CACHD1: variants seen among roughly 807,000 people sequenced by gnomAD.
CACHD1 encodes the protein VWFA and cache domain-containing protein 1.
A neutral mutation model predicts 138.7 loss-of-function variants in CACHD1; 71 were observed. The observed-to-expected ratio is 0.51, with a 90% CI of 0.42 to 0.62. CACHD1 has a LOEUF of 0.62. CACHD1 is among the 20% of genes least tolerant of loss of function. The probability of loss-of-function intolerance (pLI) is 0.00; values close to 1 mark genes in which losing one functional copy is unlikely to be tolerated. For missense variants in CACHD1, 1,389 were observed against 1,625.3 expected (o/e 0.85, Z 2.50); for synonymous variants, 578 against 591.5 (o/e 0.98, Z 0.33).
chr1:64,587,296 A>T (rs1570393492), intron 3 of CACHD1, among the ~76,000 whole-genome samples: 1 of 152,208 alleles, frequency 6.6e-6, no homozygotes, highest in East Asian at 1.9e-4. Flanking sequence ...ATTTTTAATG[A>T]TTATAATCCA....
chr1:64,569,852 G>C (rs1646913165), intron 2 of CACHD1, among the ~76,000 whole-genome samples: 1 of 151,938 alleles, frequency 6.6e-6, no homozygotes, highest in African/African-American at 2.4e-5. Context: ...CATTTTAAAG[G>C]CCAGCAAGCC....
chr1:64,529,606 A>G (rs1196725275), intron 1 of CACHD1, among the ~76,000 whole-genome samples: 1 of 152,230 alleles, frequency 6.6e-6, no homozygotes, highest in Non-Finnish European at 1.5e-5. Flanking sequence ...TGTTACAGTG[A>G]TAAATGAATT....
intron 1 of CACHD1, among the ~76,000 whole-genome samples, chr1:64,539,097 T>C (rs1364060962): frequency 6.6e-6 from 1 of 152,134 alleles, no homozygotes; most frequent in Non-Finnish European, 1.5e-5. Context: ...TACTAGAAGA[T>C]GATGCTGTTC....
intron 1 of CACHD1, among the ~76,000 whole-genome samples, chr1:64,539,749 T>C (rs1237238492): frequency 6.6e-6 from 1 of 152,204 alleles, no homozygotes; most frequent in African/African-American, 2.4e-5. Flanking sequence ...ATATTTTCTT[T>C]ATGAATGTAT....
chr1:64,547,596 A>G (rs1484801383), intron 1 of CACHD1, among the ~76,000 whole-genome samples: 2 of 152,100 alleles, frequency 1.3e-5, no homozygotes, highest in Admixed American at 6.6e-5. Flanking sequence ...TGAACTCCTG[A>G]CCTCAGGTGA....
chr1:64,514,372 T>C (rs1646443677), intron 1 of CACHD1, among the ~76,000 whole-genome samples: 1 of 152,202 alleles, frequency 6.6e-6, no homozygotes, highest in Admixed American at 6.5e-5. Context: ...TCTAACCATA[T>C]GGCTCTTTTC....
At chr1:64,518,675 T>C (rs1240396301) in intron 1 of CACHD1, among the ~76,000 whole-genome samples, 1 of 152,188 alleles carries the variant, frequency 6.6e-6, no homozygotes, top group Non-Finnish European at 1.5e-5. Context: ...AGTTTCTTTG[T>C]GCCTCATGGG....
intron 26 of CACHD1, among the ~76,000 whole-genome samples, chr1:64,684,182 G>A (rs1028890366): frequency 3.3e-5 from 5 of 151,962 alleles, no homozygotes; most frequent in Non-Finnish European, 1.5e-5. Flanking sequence ...TTTTTGAGAC[G>A]GAGTCTCGCT....
chr1:64,643,055 A>G (rs1570445058), intron 8 of CACHD1, among the ~76,000 whole-genome samples: 1 of 133,218 alleles, frequency 7.5e-6, no homozygotes, highest in South Asian at 2.2e-4. Flanking sequence ...AAAAAAAAAA[A>G]AAAAAAAAAA....
intron 3 of CACHD1, among the ~76,000 whole-genome samples, chr1:64,592,089 C>G (rs186746257): frequency 6.6e-6 from 1 of 152,272 alleles, no homozygotes; most frequent in Admixed American, 6.5e-5. Flanking sequence ...TTATTAAATA[C>G]TTTTTTGCCT....
chr1:64,637,142 AC>A (rs1648553052), intron 7 of CACHD1, among the ~76,000 whole-genome samples: 1 of 152,186 alleles, frequency 6.6e-6, no homozygotes, highest in South Asian at 2.1e-4. Context: ...TGTTCTTTCT[AC>A]CAAATTCTTC....
At chr1:64,541,676 AC>A (rs1174413032) in intron 1 of CACHD1, among the ~76,000 whole-genome samples, 1 of 152,120 alleles carries the variant, frequency 6.6e-6, no homozygotes, top group African/African-American at 2.4e-5. Flanking sequence ...AACAAAAAAA[AC>A]AAAAATTAGC....
intron 1 of CACHD1, among the ~76,000 whole-genome samples, chr1:64,487,588 T>C (rs1318898926): frequency 1.3e-5 from 2 of 152,134 alleles, no homozygotes; most frequent in East Asian, 3.8e-4. Flanking sequence ...GGGAATGATT[T>C]TGATCATTTT....
chr1:64,586,877 G>A (rs1400744520), intron 3 of CACHD1, among the ~76,000 whole-genome samples: 2 of 152,126 alleles, frequency 1.3e-5, no homozygotes, highest in African/African-American at 2.4e-5. Context: ...CATGAAAAAT[G>A]GGCTCAAGAT....
At chr1:64,533,728 G>T (rs1646607397) in intron 1 of CACHD1, among the ~76,000 whole-genome samples, 1 of 143,202 alleles carries the variant, frequency 7.0e-6, no homozygotes, top group Non-Finnish European at 1.5e-5. Flanking sequence ...TTGAATAATA[G>T]ATATCTTTTT....
chr1:64,492,870 G>T (rs1015040375), intron 1 of CACHD1, among the ~76,000 whole-genome samples: 1 of 152,172 alleles, frequency 6.6e-6, no homozygotes, highest in Non-Finnish European at 1.5e-5. Flanking sequence ...CTAGAAAGAT[G>T]CCTGTTTTCT....
chr1:64,559,977 T>C (rs1646826694), intron 2 of CACHD1, among the ~76,000 whole-genome samples: 1 of 152,206 alleles, frequency 6.6e-6, no homozygotes, highest in African/African-American at 2.4e-5. Flanking sequence ...AGCTGTCAAA[T>C]TTGTTGGCAT....
intron 1 of CACHD1, among the ~76,000 whole-genome samples, chr1:64,524,704 A>C (rs758712941): frequency 1.3e-5 from 2 of 152,232 alleles, no homozygotes; most frequent in Non-Finnish European, 2.9e-5. Flanking sequence ...AGAATAATTG[A>C]GTGGCAGAAT....
chr1:64,505,958 A>G (rs1417830022), intron 1 of CACHD1: 3 of 147,592 alleles, frequency 2.0e-5, no homozygotes, highest in African/African-American at 7.7e-5. Flanking sequence ...CTGCCCCTTC[A>G]ACTCCTCTTG....
Sources: gnomAD v4.1 joint callset for allele counts (sites outside exome capture counted in the v4.1 genomes callset) on GRCh38, gnomAD v4.1.1 for gene constraint, MANE v1.5 for transcripts, NCBI Gene and HGNC (gene_info 2026-07-23, HGNC 2026-07-21) for gene names.